Variants in KY observed in about 807,000 individuals in gnomAD.
KY encodes kyphoscoliosis peptidase.
In KY, 43 loss-of-function variants were observed where a neutral mutation model predicts 76.1. The ratio of observed to expected loss-of-function variants is 0.57; its 90% confidence interval spans 0.44 to 0.73. KY has a LOEUF of 0.73. KY is among the 30% of genes least tolerant of loss of function. The probability of loss-of-function intolerance (pLI) is 0.00; values close to 1 mark genes in which losing one functional copy is unlikely to be tolerated. For synonymous variants in KY, 277 were observed against 326.2 expected, an observed-to-expected ratio of 0.85 and a Z score of 1.63; for missense variants, 722 against 828.9, an observed-to-expected ratio of 0.87 and a Z score of 1.58.
At chr3:134,620,218 A>G (rs1962365172) in intron 7 of KY, among the ~76,000 whole-genome samples, 1 of 152,176 alleles carries the variant, frequency 6.6e-6, no homozygotes, top group Admixed American at 6.5e-5. Flanking sequence ...GCAGCTGCAT[A>G]GGCCCAGGTC....
chr3:134,632,242 AT>A (rs1197623838), intron 3 of KY, among the ~76,000 whole-genome samples: 1 of 152,116 alleles, frequency 6.6e-6, no homozygotes, highest in Admixed American at 6.5e-5. Flanking sequence ...TATAGAAGAA[AT>A]GAACTACACA....
chr3:134,618,043 A>G (rs1961891047), intron 8 of KY, among the ~76,000 whole-genome samples: 1 of 151,918 alleles, frequency 6.6e-6, no homozygotes, highest in African/African-American at 2.4e-5. Context: ...CATATTCTGT[A>G]CCCTGACCCA....
chr3:134,647,412 T>A, intron 2 of KY, 23 bp downstream of exon 2: 6 of 1,573,140 alleles, frequency 3.8e-6, no homozygotes, highest in Non-Finnish European at 4.4e-6. Context: ...ATCCTATAGG[T>A]TGAAAGGAAA....
At chr3:134,622,293 C>G (rs547447974) in intron 6 of KY, among the ~76,000 whole-genome samples, 42 of 152,110 alleles carry the variant, frequency 2.8e-4, no homozygotes, top group African/African-American at 8.4e-4. Flanking sequence ...TCCACAATAG[C>G]CAAAAGGTTA....
chr3:134,629,952 A>C (rs76169687), intron 3 of KY, among the ~76,000 whole-genome samples: 1,770 of 152,338 alleles, frequency 0.012, 32 homozygotes, highest in African/African-American at 0.041. Flanking sequence ...ACTGAATGTA[A>C]GGGGCAACTA....
chr3:134,640,603 T>C (rs1965623952), intron 3 of KY, among the ~76,000 whole-genome samples: 1 of 152,092 alleles, frequency 6.6e-6, no homozygotes, highest in African/African-American at 2.4e-5. Context: ...TTGTCAAGGC[T>C]CATGAGATGA....
intron 3 of KY, among the ~76,000 whole-genome samples, chr3:134,636,513 T>C (rs1278951226): frequency 2.6e-5 from 4 of 152,162 alleles, no homozygotes; most frequent in African/African-American, 9.7e-5. Flanking sequence ...AGCCAGGTTG[T>C]AGATGAGAGC....
chr3:134,636,014 A>T (rs1446864389), intron 3 of KY, among the ~76,000 whole-genome samples: 1 of 152,230 alleles, frequency 6.6e-6, no homozygotes, highest in Non-Finnish European at 1.5e-5. Context: ...TATAATCCAT[A>T]TAAGCAATCC....
At chr3:134,640,852 C>G (rs1191106623) in intron 3 of KY, among the ~76,000 whole-genome samples, 2 of 152,228 alleles carry the variant, frequency 1.3e-5, no homozygotes, top group Non-Finnish European at 2.9e-5. Flanking sequence ...CACAATGCCT[C>G]TTAAGGGTTG....
chr3:134,607,086 A>G (rs1472426754), intron 10 of KY: 3 of 985,318 alleles, frequency 3.0e-6, no homozygotes, highest in Admixed American at 6.1e-5. Context: ...TAAAAAGGCA[A>G]ACTCCACTCA....
At chr3:134,618,371 G>A (rs1961951707) in intron 8 of KY, among the ~76,000 whole-genome samples, 1 of 152,166 alleles carries the variant, frequency 6.6e-6, no homozygotes, top group African/African-American at 2.4e-5. Flanking sequence ...TGCCTAAGAA[G>A]ACTCACTCCC....
rs1234827641 is a variant in KY, at chr3:134,601,634, C to T, written c.*1945G>A. ...TTGTGCATTTTTCAGGTGTGAGTGA[C>T]ACGAGGCTGGCTGGGTGGCCTCGGT... is the stretch of plus-strand genomic sequence containing the variant. On this transcript the variant is annotated 3_prime_UTR_variant, in exon 11 of 11. Coordinates refer to ENST00000423778, the MANE Select transcript of KY (RefSeq NM_178554.6). 3.9e-5 allele frequency among the ~76,000 whole-genome samples: 6 copies of T among 152,230 alleles called. No homozygotes were observed. Among genetic ancestry groups the T allele is most frequent in the Non-Finnish European group, 8.8e-5 (6 of 68,042 alleles).
Position 134,604,242 on chromosome 3 carries a change from A to G in KY, c.1323T>C (p.Gly441=). 1 of 1,613,798 alleles carries G rather than the reference A, an allele frequency of 6.2e-7. No homozygotes were observed. Among genetic ancestry groups the G allele is most frequent in the Non-Finnish European group, 8.5e-7 (1 of 1,179,850 alleles). ...GGTGAAGCTCAGCAGGCAGCTGGAC[A>G]CCCATGTCCACATAATTGCACTTGA... ...YTLKCNYVDM[G]VQLPAELHQP... is the part of the protein sequence containing the mutation. The change falls in exon 11 of 11, where the codon GGT becomes GGC. Residue 441 remains glycine (G), a synonymous_variant. Transcript: ENST00000423778.
intron 3 of KY, among the ~76,000 whole-genome samples, chr3:134,637,779 C>T (rs1279573518): frequency 1.3e-5 from 2 of 152,228 alleles, no homozygotes; most frequent in Non-Finnish European, 2.9e-5. Context: ...AGCCATGTCT[C>T]TATGGGTATT....
intron 3 of KY, among the ~76,000 whole-genome samples, chr3:134,635,851 A>G (rs1409319766): frequency 1.3e-5 from 2 of 152,258 alleles, no homozygotes; most frequent in Admixed American, 6.5e-5. Context: ...AACTCCTTTA[A>G]GACTTCATTT....
At position 134,600,321 on chromosome 3, in the gene KY, C is replaced by G. The variant is rs1958908546; in HGVS notation, c.*3258G>C. Among the ~76,000 whole-genome samples, 1 of 152,232 alleles carries G rather than the reference C, an allele frequency of 6.6e-6. No individual in the cohort carries two copies. The highest frequency in any genetic ancestry group is 2.4e-5 in the African/African-American group (1 of 41,464). On this transcript the variant is annotated 3_prime_UTR_variant, in exon 11 of 11. Transcript: ENST00000423778. ...TTCAAGTCCTTTGAGAAGAGGATTT[C>G]ACAAACTTTCTTGGCAACTTGTCCC...
chr3:134,609,548 C>A (rs1367447599), intron 9 of KY, among the ~76,000 whole-genome samples: 1 of 152,168 alleles, frequency 6.6e-6, no homozygotes, highest in Non-Finnish European at 1.5e-5. Flanking sequence ...AAAAAGGAAT[C>A]TGAGCTGCTG....
At chr3:134,608,182 G>C (rs1025694350) in intron 10 of KY, 51 of 1,169,900 alleles carry the variant, frequency 4.4e-5, no homozygotes, top group Non-Finnish European at 5.4e-5. Flanking sequence ...TCCAGCAGGA[G>C]TTGGGGAAGA....
At chr3:134,613,039 GC>G (rs1960815687) in intron 8 of KY, 1 of 154,326 alleles carries the variant, frequency 6.5e-6, no homozygotes, top group African/African-American at 2.4e-5. Flanking sequence ...GAATGTCTGT[GC>G]ATATCACTTT....
Sources: allele counts gnomAD v4.1 joint callset (sites outside exome capture counted in the v4.1 genomes callset), GRCh38; gene constraint gnomAD v4.1.1; transcripts MANE v1.5; gene names NCBI Gene and HGNC (gene_info 2026-07-23, HGNC 2026-07-21).